DOCK2: variants seen among roughly 807,000 people sequenced by gnomAD.
DOCK2 encodes dedicator of cytokinesis protein 2.
In DOCK2, 87 loss-of-function variants were observed where a neutral mutation model predicts 248.9. That is an observed-to-expected ratio of 0.35 (90% CI 0.29 to 0.42). The LOEUF (loss-of-function observed/expected upper bound fraction) is 0.42. Among genes scored for constraint, DOCK2 ranks in the 10% least tolerant of loss-of-function variants. The pLI is 1.00. For synonymous variants in DOCK2, 805 were observed against 821.6 expected (o/e 0.98, Z 0.35); for missense variants, 1,747 against 2,300.2 (o/e 0.76, Z 4.92).
At chr5:169,647,162 C>A (rs1374798893) in intron 1 of DOCK2, among the ~76,000 whole-genome samples, 1 of 152,234 alleles carries the variant, frequency 6.6e-6, no homozygotes, top group African/African-American at 2.4e-5. Flanking sequence ...ATGATCTGGG[C>A]ACCTCTGTAG....
At chr5:169,779,446 A>T (rs923110217) in intron 25 of DOCK2, 1 of 152,398 alleles carries the variant, frequency 6.6e-6, no homozygotes, top group Non-Finnish European at 1.5e-5. Flanking sequence ...CATCTCTGCC[A>T]TTGCTGGCTC....
At chr5:169,891,985 G>A (rs1346235076) in intron 27 of DOCK2, among the ~76,000 whole-genome samples, 1 of 126,132 alleles carries the variant, frequency 7.9e-6, no homozygotes, top group South Asian at 2.6e-4. Flanking sequence ...AACAGTGCGA[G>A]ATTCCGTCCC....
intron 25 of DOCK2, among the ~76,000 whole-genome samples, chr5:169,777,037 C>T (rs1439046341): frequency 6.6e-6 from 1 of 152,182 alleles, no homozygotes; most frequent in African/African-American, 2.4e-5. Flanking sequence ...GGAATTCATA[C>T]CCTTAATAGA....
At chr5:169,958,230 A>T (rs79276404) in intron 27 of DOCK2, among the ~76,000 whole-genome samples, 2 of 12,522 alleles carry the variant, frequency 1.6e-4, no homozygotes, top group Non-Finnish European at 2.8e-4. Context: ...TTGTTTTGCA[A>T]AAAAAAAAGG....
chr5:169,836,989 C>T (rs1769622280), intron 26 of DOCK2, among the ~76,000 whole-genome samples: 1 of 152,120 alleles, frequency 6.6e-6, no homozygotes, highest in South Asian at 2.1e-4. Context: ...TCTGAAAAGT[C>T]CTAGGAGTGG....
intron 5 of DOCK2, among the ~76,000 whole-genome samples, 185 bp from the exon 6 acceptor site, chr5:169,674,112 G>C (rs1373911980): frequency 2.0e-5 from 3 of 152,148 alleles, no homozygotes; most frequent in African/African-American, 7.2e-5. Flanking sequence ...AAATCCCTGT[G>C]GTCCACGGGG....
In DOCK2 at chr5:170,079,015, G is replaced by A; in HGVS notation, c.5035G>A (p.Glu1679Lys). Reference protein sequence around the residue: ...ELASPKTPRVEQEEPISPGST... With the variant: ...ELASPKTPRVKQEEPISPGST... ...AGCATCACCCAAGACGCCGAGAGTG[G>A]AGCAGGAGGAACCGATCTCCCCGGG... The change falls in exon 49 of 52, where the codon GAG becomes AAG. Residue 1679 changes from glutamate to lysine, a missense_variant. By Grantham distance (56) the Glu-to-Lys change is moderately conservative (BLOSUM62 1). Coordinates refer to ENST00000520908, the MANE Select transcript of DOCK2 (RefSeq NM_004946.3). 6.2e-7 allele frequency: 1 copy of A among 1,614,104 alleles called. No homozygotes were observed. The highest frequency in any genetic ancestry group is 8.5e-7 in the Non-Finnish European group (1 of 1,180,016).
intron 27 of DOCK2, among the ~76,000 whole-genome samples, chr5:169,920,844 C>T (rs561330409): frequency 2.3e-4 from 32 of 138,144 alleles, no homozygotes; most frequent in Non-Finnish European, 3.7e-4. Flanking sequence ...TCTTTCTGAC[C>T]TCCACCCTAG....
At chr5:169,785,260 G>A (rs1255663573) in intron 25 of DOCK2, among the ~76,000 whole-genome samples, 1 of 152,094 alleles carries the variant, frequency 6.6e-6, no homozygotes, top group African/African-American at 2.4e-5. Flanking sequence ...ACAGAAACTA[G>A]TTTCATTTTT....
chr5:169,953,005 A>G (rs1043979863), intron 27 of DOCK2, among the ~76,000 whole-genome samples: 2 of 152,190 alleles, frequency 1.3e-5, no homozygotes, highest in African/African-American at 2.4e-5. Context: ...AATTGTTTAA[A>G]CAATATGTAT....
chr5:169,646,605 G>A (rs1757484607), intron 1 of DOCK2, among the ~76,000 whole-genome samples: 1 of 152,182 alleles, frequency 6.6e-6, no homozygotes, highest in Non-Finnish European at 1.5e-5. Flanking sequence ...GCAATAGCAG[G>A]AACGTGGTAG....
chr5:169,643,822 G>A (rs1391477304), intron 1 of DOCK2, among the ~76,000 whole-genome samples: 2 of 152,142 alleles, frequency 1.3e-5, no homozygotes, highest in Admixed American at 1.3e-4. Flanking sequence ...GTCTGAATGG[G>A]GTAATAGGCA....
chr5:169,791,337 G>A (rs1766326386), intron 25 of DOCK2, among the ~76,000 whole-genome samples: 1 of 152,152 alleles, frequency 6.6e-6, no homozygotes, highest in Admixed American at 6.5e-5. Context: ...ACCGACTATA[G>A]TTGAATAAAA....
chr5:169,760,689 T>C (rs1028755502), intron 24 of DOCK2, among the ~76,000 whole-genome samples: 3 of 152,204 alleles, frequency 2.0e-5, no homozygotes, highest in East Asian at 3.8e-4. Flanking sequence ...CCCTATTTAT[T>C]TCCTCCACTG....
rs117331386 is a variant in DOCK2, at chr5:170,017,831, G to A, written c.3233-1129G>A. Among the ~76,000 whole-genome samples the A allele has an allele frequency of 2.0e-3, 310 of 152,306 alleles. 3 individuals are homozygous for A. The highest frequency in any genetic ancestry group is 8.1e-3 in the East Asian group (42 of 5,186). ...TAACCACTGGGCAACACTGCCCTTG[G>A]CACTGATTCTTCTGCGCTCTGTGCT... is the stretch of plus-strand genomic sequence containing the variant. On this transcript the variant is annotated intron_variant, in intron 32 of 51. Coordinates refer to ENST00000520908, the MANE Select transcript of DOCK2 (RefSeq NM_004946.3).
chr5:169,926,432 G>T (rs935172444), intron 27 of DOCK2, among the ~76,000 whole-genome samples: 6 of 152,084 alleles, frequency 3.9e-5, no homozygotes, highest in Non-Finnish European at 2.9e-5. Context: ...CCTTTTCCCT[G>T]ATCACATGAG....
At chr5:170,077,925 C>T in intron 48 of DOCK2, 88 bp downstream of exon 48, 1 of 1,110,772 alleles carries the variant, frequency 9.0e-7, no homozygotes, top group Non-Finnish European at 1.3e-6. Context: ...GGCAACATCC[C>T]TTCTACCTTT....
chr5:169,700,683 T>C (rs1480506365), intron 13 of DOCK2, among the ~76,000 whole-genome samples: 5 of 152,310 alleles, frequency 3.3e-5, no homozygotes, highest in East Asian at 1.9e-4. Flanking sequence ...TTTTAAAAAA[T>C]GAGTTTATAT....
chr5:169,899,142 G>A (rs1773780293), intron 27 of DOCK2, among the ~76,000 whole-genome samples: 1 of 152,196 alleles, frequency 6.6e-6, no homozygotes, highest in South Asian at 2.1e-4. Flanking sequence ...ATGGTGCCAG[G>A]CATCTAGTAA....
Sources: allele counts gnomAD v4.1 joint callset (sites outside exome capture counted in the v4.1 genomes callset), GRCh38; gene constraint gnomAD v4.1.1; transcripts MANE v1.5; gene names NCBI Gene and HGNC (gene_info 2026-07-23, HGNC 2026-07-21).